PHC2: variants seen among roughly 807,000 people sequenced by gnomAD.
The protein encoded by PHC2 is polyhomeotic homolog 2.
A neutral mutation model predicts 87.4 loss-of-function variants in PHC2; 29 were observed. The ratio of observed to expected loss-of-function variants is 0.33; its 90% CI spans 0.25 to 0.45. The LOEUF is 0.45. Ranked by LOEUF, PHC2 falls within the 20% of genes least tolerant of loss-of-function variation. PHC2 has a pLI of 1.00. For missense variants in PHC2, 857 were observed against 1,136.7 expected (o/e 0.75, Z 3.54); for synonymous variants, 438 against 461.7 (o/e 0.95, Z 0.66).
chr1:33,423,841 G>A (rs966646224), intron 1 of PHC2, among the ~76,000 whole-genome samples: 2 of 152,144 alleles, frequency 1.3e-5, no homozygotes, highest in South Asian at 2.1e-4. Context: ...ACTGATGCCT[G>A]TAATCCCAGC....
rs570935895 is a variant in PHC2, at chr1:33,369,975, C to T, written c.576+446G>A. 2.6e-5 allele frequency among the ~76,000 whole-genome samples: 4 copies of T among 152,200 alleles called. No homozygotes were observed. The highest frequency in any genetic ancestry group is 1.9e-4 in the East Asian group (1 of 5,172). On this transcript the variant is annotated intron_variant, in intron 5 of 14. Coordinates refer to ENST00000683057, the MANE Select transcript of PHC2 (RefSeq NM_001385109.1). The surrounding 1 kb of genome is among the most constrained non-coding windows in gnomAD (Gnocchi z 4.7). ...GGCCGCTGGGAGGGCAATGGAGGCACGCTGAAGCTGGAAAGCATCTTTGGC... is the reference window on the plus strand; with the variant it reads ...GGCCGCTGGGAGGGCAATGGAGGCATGCTGAAGCTGGAAAGCATCTTTGGC...
intron 1 of PHC2, among the ~76,000 whole-genome samples, chr1:33,409,162 T>C (rs1484581095): frequency 2.0e-5 from 3 of 152,238 alleles, no homozygotes; most frequent in South Asian, 2.1e-4. Context: ...GTATTTTACA[T>C]AGGTTTTAAC....
Position 33,332,183 on chromosome 1 carries a change from G to T in PHC2, c.1891+92C>A. On this transcript the variant is annotated intron_variant, in intron 11 of 14. Transcript: ENST00000683057. This position sits in a 1 kb window ranked among gnomAD's most constrained non-coding sequence, Gnocchi z 4.2. The stretch of plus-strand genomic sequence containing the variant: ...ATGTTTACAGACTCGCTGGCTCAGG[G>T]TTCCTCTGGGGAAACAGAGAGAGGA... 2.1e-6 allele frequency: 3 copies of T among 1,447,576 alleles called. No homozygotes were observed. Among genetic ancestry groups the T allele is most frequent in the Non-Finnish European group, 2.9e-6 (3 of 1,037,480 alleles). 89.7% of individuals were successfully genotyped at this position (1,447,576 alleles called of 1,614,324 possible). A position where few individuals can be genotyped will look rare whatever the true frequency, so the allele number is the denominator to read the frequency against.
At chr1:33,407,028 C>T (rs904044269) in intron 1 of PHC2, among the ~76,000 whole-genome samples, 1 of 152,254 alleles carries the variant, frequency 6.6e-6, no homozygotes, top group East Asian at 1.9e-4. Context: ...CAGTTCTGAC[C>T]TCAGCTGTAT....
chr1:33,400,865 A>G lies in PHC2; in HGVS notation c.-54-25272T>C, dbSNP rs557290673. 1.1e-4 allele frequency among the ~76,000 whole-genome samples: 16 copies of G among 152,346 alleles called. No individual in the cohort carries two copies. The South Asian group carries it at 3.3e-3, about 32-fold the overall frequency. ...TCCATGTTGGAATAATGTGCTTCAG[A>G]TAGCTGCCCTTTGTGTTAGTAAAAA... On this transcript the variant is annotated intron_variant, in intron 1 of 14. Coordinates refer to ENST00000683057, the MANE Select transcript of PHC2 (RefSeq NM_001385109.1).
rs758968576 is a variant in PHC2, at chr1:33,355,189, T to C, written c.1041A>G (p.Gln347=). The C allele has an allele frequency of 4.4e-6, 7 of 1,607,304 alleles. No individual in the cohort carries two copies. Among genetic ancestry groups the C allele is most frequent in the East Asian group, 2.2e-5 (1 of 44,760 alleles). Residue 347 remains glutamine (Q), a synonymous_variant, in exon 8 of 15, where the codon CAA becomes CAG. Transcript: ENST00000683057. ...GCTGTGGCTGCTGCTGGATCACAAATTGGGGCTGCAGGTGCTTTGAGGATG... is the reference window on the plus strand; with the variant it reads ...GCTGTGGCTGCTGCTGGATCACAAACTGGGGCTGCAGGTGCTTTGAGGATG... ...PQPSSKHLQP[Q]FVIQQQPQPQ... is the part of the protein sequence containing the mutation.
At chr1:33,363,660 G>GC in intron 7 of PHC2, 1 of 744,794 alleles carries the variant, frequency 1.3e-6, no homozygotes. Context: ...GGGTGAAAGG[G>GC]CCCTGGCTTT....
intron 1 of PHC2, among the ~76,000 whole-genome samples, chr1:33,413,961 C>A (rs1381526753): frequency 1.3e-5 from 2 of 152,040 alleles, no homozygotes; most frequent in African/African-American, 2.4e-5. Context: ...GAGGGTAATA[C>A]AGCATGGCAT....
At chr1:33,411,685 C>T (rs763297146) in intron 1 of PHC2, among the ~76,000 whole-genome samples, 9 of 152,034 alleles carry the variant, frequency 5.9e-5, no homozygotes, top group Admixed American at 2.0e-4. Context: ...CTCAGCCTCC[C>T]GAGTAGCTGG....
At chr1:33,378,773 G>A (rs1413564456) in intron 1 of PHC2, among the ~76,000 whole-genome samples, 1 of 152,174 alleles carries the variant, frequency 6.6e-6, no homozygotes, top group Non-Finnish European at 1.5e-5. Flanking sequence ...CAGAGGCTGT[G>A]TAGAGGCTGT....
At chr1:33,363,194 AG>A (rs1647248605) in intron 7 of PHC2, 1 of 152,212 alleles carries the variant, frequency 6.6e-6, no homozygotes, top group South Asian at 2.1e-4. Flanking sequence ...ACGTGCACAC[AG>A]GCTCGTACAC....
intron 8 of PHC2, 100 bp downstream of exon 8, chr1:33,354,738 C>T: frequency 7.1e-7 from 1 of 1,411,858 alleles, no homozygotes; most frequent in Non-Finnish European, 9.7e-7. Context: ...GATGACTTCA[C>T]CCGTCAGCCT....
In PHC2 at chr1:33,332,841, A is replaced by T. The variant is rs74741404; in HGVS notation, c.1762-437T>A. On this transcript the variant is annotated intron_variant, in intron 10 of 14. Coordinates refer to ENST00000683057, the MANE Select transcript of PHC2 (RefSeq NM_001385109.1). The surrounding 1 kb of genome is among the most constrained non-coding windows in gnomAD (Gnocchi z 4.2). The stretch of plus-strand genomic sequence containing the variant: ...TGATTTTTTTACTGTTCTCCACCTT[A>T]CCCCAATGCCTGACCCAAGCCAGAG... Among the ~76,000 whole-genome samples the T allele has an allele frequency of 0.039, 5,926 of 151,950 alleles. 172 individuals are homozygous for T. The highest frequency in any genetic ancestry group is 0.061 in the Non-Finnish European group (4,143 of 67,944).
chr1:33,359,298 C>T (rs1647151712), intron 7 of PHC2, among the ~76,000 whole-genome samples: 1 of 152,158 alleles, frequency 6.6e-6, no homozygotes, highest in Non-Finnish European at 1.5e-5. Flanking sequence ...GACTCACTGT[C>T]CCAGAAATGC....
intron 1 of PHC2, among the ~76,000 whole-genome samples, chr1:33,422,915 TAAAG>T (rs766999725): frequency 4.6e-5 from 7 of 151,928 alleles, no homozygotes; most frequent in African/African-American, 1.2e-4. Context: ...CCCCAGGAAA[TAAAG>T]AAAGGTAAAA....
chr1:33,341,621 TATC>T lies in PHC2; in HGVS notation c.1559-7332_1559-7330del, dbSNP rs1195771815. 7.2e-5 allele frequency among the ~76,000 whole-genome samples: 11 copies of T among 152,372 alleles called. No individual in the cohort carries two copies. In the East Asian group the frequency reaches 2.1e-3, roughly 29 times the overall value. ...GAGGGCAAAACATGCTATTATTTAA[TATC>T]ATGTTACCATGTTTCCCAAATTCTA... On this transcript the variant is annotated intron_variant, in intron 9 of 14. Coordinates refer to ENST00000683057, the MANE Select transcript of PHC2 (RefSeq NM_001385109.1).
At chr1:33,380,759 GT>G (rs1648454970) in intron 1 of PHC2, among the ~76,000 whole-genome samples, 1 of 152,186 alleles carries the variant, frequency 6.6e-6, no homozygotes, top group Admixed American at 6.5e-5. Flanking sequence ...TGCATCATGT[GT>G]TGAATTACCT....
chr1:33,352,816 A>G (rs1646998200), intron 9 of PHC2, among the ~76,000 whole-genome samples: 1 of 152,194 alleles, frequency 6.6e-6, no homozygotes, highest in East Asian at 1.9e-4. Flanking sequence ...TGACTACCGT[A>G]GGAGTCAGAG....
Position 33,349,196 on chromosome 1 carries a change from G to C in PHC2, c.1558+5205C>G. 1.0e-6 allele frequency: 1 copy of C among 975,790 alleles called. No homozygotes were observed. The highest frequency in any genetic ancestry group is 4.7e-5 in the South Asian group (1 of 21,202). 60.4% of individuals were successfully genotyped at this position (975,790 alleles called of 1,614,324 possible). ...AAAACTCTCCAGCGAAGCCGCAGGC[G>C]CCTCCAAGATAGGGAGTCCACCACC... is the stretch of plus-strand genomic sequence containing the variant. On this transcript the variant is annotated intron_variant, in intron 9 of 14. Transcript: ENST00000683057. This position sits in a 1 kb window ranked among gnomAD's most constrained non-coding sequence, Gnocchi z 4.2.
Sources: gnomAD v4.1 joint callset for allele counts (sites outside exome capture counted in the v4.1 genomes callset) on GRCh38, gnomAD v4.1.1 for gene constraint, Gnocchi (gnomAD v3.1) non-coding constraint, MANE v1.5 for transcripts, NCBI Gene and HGNC (gene_info 2026-07-23, HGNC 2026-07-21) for gene names.